CLNK: variants seen among roughly 807,000 people sequenced by gnomAD.
The protein encoded by CLNK is cytokine dependent hematopoietic cell linker, also known as cytokine-dependent hematopoietic cell linker.
In CLNK, 74 loss-of-function variants were observed where a neutral mutation model predicts 68.6. The ratio of observed to expected loss-of-function variants is 1.08; its 90% CI spans 0.89 to 1.31. CLNK has a LOEUF of 1.31. CLNK is among the 50% of genes most tolerant of loss of function. The probability of loss-of-function intolerance (pLI) is 0.00; values close to 1 mark genes in which losing one functional copy is unlikely to be tolerated. For missense variants in CLNK, 553 were observed against 515.3 expected (o/e 1.07, Z -0.71); for synonymous variants, 198 against 172.2 (o/e 1.15, Z -1.17).
intron 18 of CLNK, among the ~76,000 whole-genome samples, 158 bp downstream of exon 18, chr4:10,501,098 G>A (rs960948101): frequency 2.0e-5 from 3 of 152,254 alleles, no homozygotes; most frequent in Non-Finnish European, 4.4e-5. Flanking sequence ...GTAGGCCAAA[G>A]TGTAAGATGT....
chr4:10,567,819 G>A (rs1192322027), intron 5 of CLNK, among the ~76,000 whole-genome samples: 1 of 152,160 alleles, frequency 6.6e-6, no homozygotes, highest in African/African-American at 2.4e-5. Flanking sequence ...ATCCCATGGA[G>A]AGATGCTCAA....
the CLNK span, among the ~76,000 whole-genome samples, chr4:10,724,118 C>T: frequency 7.0e-4 from 107 of 152,228 alleles, no homozygotes; most frequent in African/African-American, 2.5e-3. Context: ...ACTAAAGGAA[C>T]TGTATAAGGG....
At chr4:10,690,515 A>G in the CLNK span, among the ~76,000 whole-genome samples, 4 of 152,210 alleles carry the variant, frequency 2.6e-5, no homozygotes, top group East Asian at 3.8e-4. Flanking sequence ...TCTTCTTTAA[A>G]AAAAGATAGA....
At chr4:10,687,548 G>T (rs1282078738), upstream of CLNK, among the ~76,000 whole-genome samples, 1 of 152,130 alleles carries the variant, frequency 6.6e-6, no homozygotes. Context: ...GGGGAGAAGG[G>T]AAGGAGTAAA....
rs561084732 is a variant in CLNK, at chr4:10,579,487, TATG to T, written c.112+5437_112+5439del. On this transcript the variant is annotated intron_variant, in intron 4 of 18. Coordinates refer to ENST00000226951, the MANE Select transcript of CLNK (RefSeq NM_052964.4). ...ATTTTGGTCAATGATGGATCACATATATGACCGTGGTCTCATAAGAATATAATG... is the reference window on the plus strand; with the variant it reads ...ATTTTGGTCAATGATGGATCACATATACCGTGGTCTCATAAGAATATAATG... 3.5e-3 allele frequency among the ~76,000 whole-genome samples: 526 copies of T among 152,332 alleles called. 2 individuals carry two copies. Among genetic ancestry groups the T allele is most frequent in the African/African-American group, 0.012 (507 of 41,564 alleles).
chr4:10,585,618 C>T (rs1192162748), intron 3 of CLNK, among the ~76,000 whole-genome samples: 2 of 152,156 alleles, frequency 1.3e-5, no homozygotes, highest in Non-Finnish European at 2.9e-5. Context: ...AATTAAGCTC[C>T]TTTAAATTTC....
intron 17 of CLNK, 44 bp downstream of exon 17, chr4:10,507,915 A>G: frequency 1.4e-6 from 2 of 1,413,966 alleles, no homozygotes; most frequent in South Asian, 2.5e-5. Flanking sequence ...GAACCTTAAG[A>G]TGCCTATAGA....
intron 2 of CLNK, among the ~76,000 whole-genome samples, chr4:10,652,339 G>T (rs528206710): frequency 2.6e-5 from 3 of 117,516 alleles, no homozygotes; most frequent in Non-Finnish European, 4.8e-5. Flanking sequence ...TGGAGATCGC[G>T]CCACTTCACT....
intron 12 of CLNK, among the ~76,000 whole-genome samples, chr4:10,530,938 G>A (rs1253593466): frequency 6.6e-6 from 1 of 152,192 alleles, no homozygotes; most frequent in East Asian, 1.9e-4. Context: ...TTCTCGTCAA[G>A]CAGTTATCTA....
Position 10,500,824 on chromosome 4 carries a change from T to C in CLNK, c.1140+432A>G, listed in dbSNP as rs1221185270. Among the ~76,000 whole-genome samples the C allele has an allele frequency of 5.9e-5, 9 of 152,374 alleles. No individual in the cohort carries two copies. In the Middle Eastern group the frequency reaches 0.014, roughly 230 times the overall value. Reference sequence around the variant, plus strand: ...AGCAGATCTGTACTGAGGACAGGCATGCCCAACATAGCCCTAATGCTGTGG... The same window carrying C: ...AGCAGATCTGTACTGAGGACAGGCACGCCCAACATAGCCCTAATGCTGTGG... On this transcript the variant is annotated intron_variant, in intron 18 of 18. Transcript: ENST00000226951.
At chr4:10,669,943 C>A (rs963159779) in intron 1 of CLNK, among the ~76,000 whole-genome samples, 3 of 152,128 alleles carry the variant, frequency 2.0e-5, no homozygotes, top group Admixed American at 1.3e-4. Context: ...CAGTGTAATA[C>A]AAAGAATGCA....
chr4:10,509,166 G>A (rs1404900371), intron 16 of CLNK, among the ~76,000 whole-genome samples: 3 of 150,922 alleles, frequency 2.0e-5, no homozygotes, highest in Non-Finnish European at 4.4e-5. Context: ...AGTTAGGTAC[G>A]TGACATCAGG....
intron 3 of CLNK, among the ~76,000 whole-genome samples, chr4:10,596,375 T>C (rs987420992): frequency 1.3e-5 from 2 of 152,222 alleles, no homozygotes; most frequent in African/African-American, 4.8e-5. Context: ...AAAAGAGGCT[T>C]GTCTGGGGCC....
chr4:10,635,992 C>G (rs1428739575), intron 2 of CLNK: 2 of 152,218 alleles, frequency 1.3e-5, no homozygotes, highest in Non-Finnish European at 2.9e-5. Context: ...AAACCACTAA[C>G]TCCTGCCGTG....
At chr4:10,720,729 G>T in the CLNK span, among the ~76,000 whole-genome samples, 2 of 131,494 alleles carry the variant, frequency 1.5e-5, no homozygotes, top group African/African-American at 5.2e-5. Context: ...GTTGAAAATG[G>T]ATCACACATA....
At chr4:10,676,046 A>AGTGTGTGTGT (rs34091285) in intron 1 of CLNK, among the ~76,000 whole-genome samples, 2 of 148,816 alleles carry the variant, frequency 1.3e-5, no homozygotes, top group African/African-American at 2.5e-5. Context: ...GAGCCAGAAG[A>AGTGTGTGTGT]GTGTGTGTGT....
chr4:10,591,816 T>C (rs535135180), intron 3 of CLNK, among the ~76,000 whole-genome samples: 6 of 152,354 alleles, frequency 3.9e-5, no homozygotes, highest in Admixed American at 3.9e-4. Context: ...CCAAGGCTCA[T>C]TTTAAATAAG....
At chr4:10,623,771 C>T (rs1366171665) in intron 2 of CLNK, among the ~76,000 whole-genome samples, 1 of 152,184 alleles carries the variant, frequency 6.6e-6, no homozygotes, top group Non-Finnish European at 1.5e-5. Flanking sequence ...AATTTCAGTT[C>T]AGTGTGAAAA....
At chr4:10,511,150 ACT>A (rs1717565340) in intron 16 of CLNK, among the ~76,000 whole-genome samples, 1 of 151,654 alleles carries the variant, frequency 6.6e-6, no homozygotes, top group East Asian at 2.0e-4. Flanking sequence ...AAGAGCGGAA[ACT>A]CTGTCTCAAA....
Sources: gnomAD v4.1 joint callset for allele counts (sites outside exome capture counted in the v4.1 genomes callset) on GRCh38, gnomAD v4.1.1 for gene constraint, MANE v1.5 for transcripts, NCBI Gene and HGNC (gene_info 2026-07-23, HGNC 2026-07-21) for gene names.